SAFB2: variants seen among roughly 807,000 people sequenced by gnomAD.
SAFB2 encodes the protein scaffold attachment factor B2.
SAFB2 carries 32 observed loss-of-function variants against 100.6 expected under a neutral mutation model. The ratio of observed to expected loss-of-function variants is 0.32; its 90% CI spans 0.24 to 0.43. SAFB2 has a LOEUF of 0.43. Among genes scored for constraint, SAFB2 ranks in the 20% least tolerant of loss-of-function variants. The pLI, the probability that SAFB2 is intolerant of heterozygous loss-of-function variation, is 1.00. For synonymous variants in SAFB2, 500 were observed against 439.4 expected (o/e 1.14, Z -1.72); for missense variants, 1,185 against 1,163.4 (o/e 1.02, Z -0.27).
intron 12 of SAFB2, 95 bp from the exon 13 acceptor site, chr19:5,598,979 A>G (rs566386118): frequency 6.4e-6 from 7 of 1,087,174 alleles, no homozygotes; most frequent in Non-Finnish European, 9.6e-6. Flanking sequence ...TTTTGAACAC[A>G]CAAGGCGTGA....
chr19:5,615,559 T>C (rs2053009043), intron 4 of SAFB2, among the ~76,000 whole-genome samples: 1 of 151,962 alleles, frequency 6.6e-6, no homozygotes. Context: ...AAAAAAATTT[T>C]TTTTTAATTA....
At chr19:5,602,627 T>A (rs528951681) in intron 11 of SAFB2, among the ~76,000 whole-genome samples, 2 of 152,014 alleles carry the variant, frequency 1.3e-5, no homozygotes, top group East Asian at 3.9e-4. Context: ...TAGGCCTGTA[T>A]CCTCTCCTAC....
At chr19:5,610,604 T>C (rs1011661192) in intron 8 of SAFB2, 35 bp downstream of exon 8, 1 of 1,485,598 alleles carries the variant, frequency 6.7e-7, no homozygotes, top group South Asian at 1.2e-5. Context: ...AAGGGAACCA[T>C]ACCTGGCTCC....
Position 5,591,802 on chromosome 19 carries a change from G to A in SAFB2, c.2349-9C>T, listed in dbSNP as rs747050283. 2 of 1,613,984 alleles carry A rather than the reference G, an allele frequency of 1.2e-6. No homozygotes were observed. The highest frequency in any genetic ancestry group is 1.7e-5 in the Admixed American group (1 of 59,996). ...GCCTCGAACCCTCCCGCCTGCAAAAGGAAAAGATCCCGTTCAAACAGCACC... is the reference window on the plus strand; with the variant it reads ...GCCTCGAACCCTCCCGCCTGCAAAAAGAAAAGATCCCGTTCAAACAGCACC... On this transcript the variant is annotated splice_polypyrimidine_tract_variant and intron_variant, in intron 16 of 20. Coordinates refer to ENST00000252542, the MANE Select transcript of SAFB2 (RefSeq NM_014649.3).
At chr19:5,604,534 G>A (rs1047854204) in intron 11 of SAFB2, 49 bp downstream of exon 11, 20 of 1,435,552 alleles carry the variant, frequency 1.4e-5, no homozygotes, top group African/African-American at 1.1e-4. Context: ...GTGGCTGCCC[G>A]TGCCCTCCTC....
intron 16 of SAFB2, 122 bp from the exon 17 acceptor site, chr19:5,591,915 TG>T (rs1298433341): frequency 2.1e-6 from 2 of 950,212 alleles, no homozygotes; most frequent in East Asian, 2.6e-5. Flanking sequence ...ATAACTGGCC[TG>T]GGAAAAAAGG....
chr19:5,594,764 TAGGG>T (rs1804199488), intron 14 of SAFB2, among the ~76,000 whole-genome samples: 1 of 152,154 alleles, frequency 6.6e-6, no homozygotes, highest in African/African-American at 2.4e-5. Context: ...ATCCAGCACT[TAGGG>T]AGGCTGACGC....
chr19:5,587,655 G>A lies in SAFB2; in HGVS notation c.2705+46C>T. The A allele has an allele frequency of 6.6e-7, 1 of 1,506,710 alleles. No homozygotes were observed. 93.3% of individuals were successfully genotyped at this position (1,506,710 alleles called of 1,614,324 possible). Reference sequence around the variant, plus strand: ...AACATGCAAAAAAGGGAGAGGAAGTGAGGAGCAGGAGTGAACCACCGTCCT... The same window carrying A: ...AACATGCAAAAAAGGGAGAGGAAGTAAGGAGCAGGAGTGAACCACCGTCCT... On this transcript the variant is annotated intron_variant, in intron 20 of 20. Coordinates refer to ENST00000252542, the MANE Select transcript of SAFB2 (RefSeq NM_014649.3). This position sits in a 1 kb window ranked among gnomAD's most constrained non-coding sequence, Gnocchi z 4.9.
chr19:5,587,265 G>A lies in SAFB2; in HGVS notation c.2840C>T (p.Pro947Leu), dbSNP rs559478077. The A allele has an allele frequency of 1.9e-6, 3 of 1,613,216 alleles. No individual in the cohort carries two copies. The highest frequency in any genetic ancestry group is 2.2e-5 in the South Asian group (2 of 91,040). Residue 947 changes from proline (P) to leucine (L), a missense_variant, in exon 21 of 21, where the codon CCC becomes CTC. Pro to Leu is a moderately conservative substitution (Grantham distance 98). Transcript: ENST00000252542. The surrounding 1 kb of genome is among the most constrained non-coding windows in gnomAD (Gnocchi z 4.9). ...GACTTAGTAGCGGCGGGTGAAGTGG[G>A]GGTACGGGGGGGGATGAGGGTGTGG... ...PHPHPHPPPY[P>L]HFTRRY
chr19:5,609,785 T>C (rs1385046607), intron 9 of SAFB2, among the ~76,000 whole-genome samples: 5 of 152,172 alleles, frequency 3.3e-5, no homozygotes, highest in African/African-American at 1.2e-4. Context: ...TGCACAAGAC[T>C]GGGCGAGCTT....
intron 4 of SAFB2, among the ~76,000 whole-genome samples, chr19:5,614,297 TTC>T (rs1350426473): frequency 6.6e-5 from 10 of 152,310 alleles, no homozygotes; most frequent in African/African-American, 2.2e-4. Flanking sequence ...CTTGGTCAAT[TTC>T]TCTCTTTACT....
intron 17 of SAFB2, among the ~76,000 whole-genome samples, chr19:5,590,701 C>T (rs2052378063): frequency 6.6e-6 from 1 of 152,226 alleles, no homozygotes; most frequent in African/African-American, 2.4e-5. Flanking sequence ...TAAGACGTCA[C>T]CAAACCCTGT....
At chr19:5,621,012 AC>A (rs2145366855) in intron 2 of SAFB2, among the ~76,000 whole-genome samples, 1 of 152,310 alleles carries the variant, frequency 6.6e-6, no homozygotes, top group Non-Finnish European at 1.5e-5. Flanking sequence ...GGTTCCTCAG[AC>A]CCGTAGAAGT....
chr19:5,594,558 G>T (rs1279501279), intron 14 of SAFB2, among the ~76,000 whole-genome samples: 3 of 152,178 alleles, frequency 2.0e-5, no homozygotes, highest in Admixed American at 1.3e-4. Flanking sequence ...GGGAGCCGCG[G>T]CAAAATGACA....
In SAFB2 at chr19:5,587,654, TGAG is replaced by T. The variant is rs915542124; in HGVS notation, c.2705+44_2705+46del. 1 of 1,505,290 alleles carries T rather than the reference TGAG, an allele frequency of 6.6e-7. No homozygotes were observed. Among genetic ancestry groups the T allele is most frequent in the African/African-American group, 1.4e-5 (1 of 70,728 alleles). 93.2% of individuals were successfully genotyped at this position (1,505,290 alleles called of 1,614,324 possible). A position where few individuals can be genotyped will look rare whatever the true frequency, so the allele number is the denominator to read the frequency against. On this transcript the variant is annotated intron_variant, in intron 20 of 20. Coordinates refer to ENST00000252542, the MANE Select transcript of SAFB2 (RefSeq NM_014649.3). This position sits in a 1 kb window ranked among gnomAD's most constrained non-coding sequence, Gnocchi z 4.9. ...AAACATGCAAAAAAGGGAGAGGAAG[TGAG>T]GAGCAGGAGTGAACCACCGTCCTCC... is the stretch of plus-strand genomic sequence containing the variant.
At position 5,609,253 on chromosome 19, in the gene SAFB2, T is replaced by C. The variant is rs1030360783; in HGVS notation, c.1296+742A>G. ...CGATCATGTTCTAGTTATGAGACTA[T>C]ATACTTAAAATGCTAAATGATATGA... On this transcript the variant is annotated intron_variant, in intron 9 of 20. Coordinates refer to ENST00000252542, the MANE Select transcript of SAFB2 (RefSeq NM_014649.3). 2.6e-5 allele frequency among the ~76,000 whole-genome samples: 4 copies of C among 151,736 alleles called. No homozygotes were observed. In the East Asian group the frequency reaches 7.7e-4, roughly 29 times the overall value.
chr19:5,587,151 T>C lies in SAFB2; in HGVS notation c.*92A>G, dbSNP rs549154111. On this transcript the variant is annotated 3_prime_UTR_variant, in exon 21 of 21. Coordinates refer to ENST00000252542, the MANE Select transcript of SAFB2 (RefSeq NM_014649.3). The surrounding 1 kb of genome is among the most constrained non-coding windows in gnomAD (Gnocchi z 4.9). ...TACAACATGGTGGCAGGATTTACTTTGCTTTTAAAAAGATCCCCCAAGTTC... is the reference window on the plus strand; with the variant it reads ...TACAACATGGTGGCAGGATTTACTTCGCTTTTAAAAAGATCCCCCAAGTTC... 6.4e-4 allele frequency: 982 copies of C among 1,542,046 alleles called. 6 individuals carry two copies. In the African/African-American group the frequency reaches 0.011, roughly 18 times the overall value.
Position 5,591,831 on chromosome 19 carries a change from CACG to C in SAFB2, c.2349-41_2349-39del, listed in dbSNP as rs567979238. ...AAGATCCCGTTCAAACAGCACCAGGCACGACTACACATTTCTGCAGGTCAGGCA... is the reference window on the plus strand; with the variant it reads ...AAGATCCCGTTCAAACAGCACCAGGCACTACACATTTCTGCAGGTCAGGCA... On this transcript the variant is annotated intron_variant, in intron 16 of 20. Coordinates refer to ENST00000252542, the MANE Select transcript of SAFB2 (RefSeq NM_014649.3). 130 of 1,609,292 alleles carry C rather than the reference CACG, an allele frequency of 8.1e-5. No individual in the cohort carries two copies. The East Asian group carries it at 2.7e-3, about 34-fold the overall frequency.
intron 2 of SAFB2, among the ~76,000 whole-genome samples, chr19:5,618,348 C>T (rs188906061): frequency 3.9e-5 from 6 of 151,950 alleles, no homozygotes; most frequent in Admixed American, 1.3e-4. Context: ...GGCAACAGAG[C>T]GAGACTCCGT....
Sources: gnomAD v4.1 joint callset for allele counts (sites outside exome capture counted in the v4.1 genomes callset) on GRCh38, gnomAD v4.1.1 for gene constraint, Gnocchi (gnomAD v3.1) non-coding constraint, MANE v1.5 for transcripts, NCBI Gene and HGNC (gene_info 2026-07-23, HGNC 2026-07-21) for gene names.